The following XDH variants were observed in gnomAD, a reference collection of about 807,000 sequenced individuals.
The protein encoded by XDH is xanthine dehydrogenase.
Under a neutral mutation model 156.1 loss-of-function variants are expected in XDH, and 138 were observed. The ratio of observed to expected loss-of-function variants is 0.88; its 90% CI spans 0.77 to 1.02. The LOEUF (loss-of-function observed/expected upper bound fraction) is 1.02, where lower values mean the gene tolerates loss of function less well. XDH is among the 50% of genes least tolerant of loss of function. XDH has a pLI of 0.00. For missense variants in XDH, 1,849 were observed against 1,684.9 expected, an observed-to-expected ratio of 1.10 and a Z score of -1.71; for synonymous variants, 669 against 625.7, an observed-to-expected ratio of 1.07 and a Z score of -1.03.
At chr2:31,377,973 A>G (rs1572545413) in intron 13 of XDH, among the ~76,000 whole-genome samples, 1 of 151,096 alleles carries the variant, frequency 6.6e-6, no homozygotes, top group African/African-American at 2.4e-5. Flanking sequence ...CTGAGCCGTG[A>G]TCATGCCACC....
chr2:31,368,147 G>C, intron 19 of XDH, 90 bp from the exon 20 acceptor site: 1 of 1,169,088 alleles, frequency 8.6e-7, no homozygotes, highest in Non-Finnish European at 1.3e-6. Context: ...TCTCTGAATT[G>C]TTGACTCTCT....
intron 24 of XDH, among the ~76,000 whole-genome samples, chr2:31,361,513 T>G (rs1184447664): frequency 6.6e-6 from 1 of 152,186 alleles, no homozygotes; most frequent in Admixed American, 6.6e-5. Context: ...TCCAATAGCT[T>G]ATAAATGTCT....
chr2:31,399,385 G>A (rs1481819002), intron 4 of XDH, among the ~76,000 whole-genome samples: 2 of 152,140 alleles, frequency 1.3e-5, no homozygotes, highest in Non-Finnish European at 2.9e-5. Flanking sequence ...GAGCAGAGGA[G>A]GAGCAAGTGT....
intron 2 of XDH, among the ~76,000 whole-genome samples, chr2:31,404,957 C>G (rs1447392643): frequency 6.6e-6 from 1 of 152,132 alleles, no homozygotes; most frequent in Non-Finnish European, 1.5e-5. Context: ...CACTAGACAC[C>G]CCCGCTAGGA....
chr2:31,338,705 T>C (rs1332918362), intron 34 of XDH, among the ~76,000 whole-genome samples: 3 of 146,234 alleles, frequency 2.1e-5, no homozygotes, highest in Non-Finnish European at 4.5e-5. Context: ...TCCAGGCATC[T>C]GACCAAGTCT....
Position 31,381,559 on chromosome 2 carries a change from C to T in XDH, c.1132+74G>A, listed in dbSNP as rs1278951042. ...CACTGAACTTTGAGCTCTGTTTCTC[C>T]AGAAAATGACCTATCTGGTGAGACT... On this transcript the variant is annotated intron_variant, in intron 12 of 35. Transcript: ENST00000379416. 23 of 1,479,656 alleles carry T rather than the reference C, an allele frequency of 1.6e-5. 1 individual carries two copies. Among genetic ancestry groups the T allele is most frequent in the Non-Finnish European group, 2.1e-5 (22 of 1,066,608 alleles). The allele number at this position is 1,479,656 out of a possible 1,614,324, so 91.7% of individuals were successfully genotyped here. A position where few individuals can be genotyped will look rare whatever the true frequency, so the allele number is the denominator to read the frequency against.
chr2:31,402,934 CAG>C, intron 3 of XDH, 112 bp downstream of exon 3: 1 of 1,131,624 alleles, frequency 8.8e-7, no homozygotes, highest in South Asian at 1.3e-5. Context: ...TCCATAAAAA[CAG>C]GGGCTCACAC....
chr2:31,376,312 A>G lies in XDH; in HGVS notation c.1427+741T>C, dbSNP rs45541835. On this transcript the variant is annotated intron_variant, in intron 14 of 35. Transcript: ENST00000379416. Reference sequence around the variant, plus strand: ...CATAGAATCAACAGCAACAGTAGTAATAATAGTAGTAACAGAAGCAATGCC... The same window carrying G: ...CATAGAATCAACAGCAACAGTAGTAGTAATAGTAGTAACAGAAGCAATGCC... Among the ~76,000 whole-genome samples the G allele has an allele frequency of 2.3e-4, 35 of 150,368 alleles. 1 individual carries two copies. In the East Asian group the frequency reaches 6.6e-3, roughly 28 times the overall value.
intron 31 of XDH, among the ~76,000 whole-genome samples, chr2:31,343,839 T>C (rs1320754339): frequency 6.6e-6 from 1 of 151,334 alleles, no homozygotes; most frequent in Non-Finnish European, 1.5e-5. Flanking sequence ...TTCATATATA[T>C]ATTCATATAC....
intron 5 of XDH, 123 bp from the exon 6 acceptor site, chr2:31,397,852 G>T: frequency 9.1e-7 from 1 of 1,095,996 alleles, no homozygotes; most frequent in Non-Finnish European, 1.4e-6. Flanking sequence ...TGTTACCTCT[G>T]TCTGGAAGGC....
chr2:31,346,744 G>A (rs766703443), intron 30 of XDH, 25 bp downstream of exon 30: 18 of 1,613,778 alleles, frequency 1.1e-5, no homozygotes, highest in Middle Eastern at 1.6e-4. Flanking sequence ...CTTTGCAAAC[G>A]TGACTTGGAT....
intron 13 of XDH, among the ~76,000 whole-genome samples, chr2:31,378,853 TA>T (rs3216622): frequency 8.1e-5 from 12 of 148,508 alleles, no homozygotes; most frequent in Middle Eastern, 3.5e-3. Context: ...CACTCATAAT[TA>T]AAAAAAAAAA....
At position 31,398,625 on chromosome 2, in the gene XDH, C is replaced by T. The variant is rs533862128; in HGVS notation, c.381G>A (p.Leu127=). 1 of 1,614,146 alleles carries T rather than the reference C, an allele frequency of 6.2e-7. No individual in the cohort carries two copies. Among genetic ancestry groups the T allele is most frequent in the Non-Finnish European group, 8.5e-7 (1 of 1,179,998 alleles). The part of the protein sequence containing the change: ...TPGIVMSMYT[L]LRNQPEPTME... ...TGGTGGGCTCGGGCTGATTCCGGAG[C>T]AGTGTGTACATACTCATGACGATGC... The change falls in exon 5 of 36, where the codon CTG becomes CTA. Residue 127 remains leucine (L), a synonymous_variant. Coordinates refer to ENST00000379416, the MANE Select transcript of XDH (RefSeq NM_000379.4).
Position 31,335,726 on chromosome 2 carries a change from T to C in XDH, c.*232A>G, listed in dbSNP as rs937821743. On this transcript the variant is annotated 3_prime_UTR_variant, in exon 36 of 36. Transcript: ENST00000379416. The stretch of plus-strand genomic sequence containing the variant: ...TAAAACAGACAGAAAATGATCCTAA[T>C]TGCATATTCACCATTTAGGCATAAC... The C allele has an allele frequency of 2.6e-5, 16 of 614,560 alleles. No individual in the cohort carries two copies. In the South Asian group the frequency reaches 3.1e-4, roughly 12 times the overall value. 38.1% of individuals were successfully genotyped at this position (614,560 alleles called of 1,614,324 possible). A position where few individuals can be genotyped will look rare whatever the true frequency, so the allele number is the denominator to read the frequency against.
chr2:31,384,989 G>A (rs1572552752), intron 9 of XDH, among the ~76,000 whole-genome samples: 1 of 152,160 alleles, frequency 6.6e-6, no homozygotes, highest in African/African-American at 2.4e-5. Context: ...TCTAATTGTG[G>A]AACTTAGGTA....
chr2:31,376,048 A>G (rs1037268389), intron 14 of XDH, among the ~76,000 whole-genome samples: 2 of 152,174 alleles, frequency 1.3e-5, no homozygotes, highest in African/African-American at 4.8e-5. Context: ...TCCTAGGATA[A>G]TGTTAGTGAA....
chr2:31,407,386 C>T (rs1231554147), intron 1 of XDH, among the ~76,000 whole-genome samples: 1 of 152,120 alleles, frequency 6.6e-6, no homozygotes, highest in East Asian at 1.9e-4. Flanking sequence ...TAATGCAAGC[C>T]ATTCATGAGA....
At chr2:31,357,369 A>G (rs1468618573) in intron 24 of XDH, among the ~76,000 whole-genome samples, 1 of 152,210 alleles carries the variant, frequency 6.6e-6, no homozygotes, top group Non-Finnish European at 1.5e-5. Context: ...AACAAAGTGA[A>G]GCCACAAATT....
In XDH at chr2:31,403,110, C is replaced by T. The variant is rs150847028; in HGVS notation, c.135G>A (p.Glu45=). 81 of 1,614,066 alleles carry T rather than the reference C, an allele frequency of 5.0e-5. 1 individual carries two copies. In the African/African-American group the frequency reaches 8.7e-4, roughly 17 times the overall value. The change falls in exon 3 of 36, where the codon GAG becomes GAA. Residue 45 remains glutamate (E), a synonymous_variant. Coordinates refer to ENST00000379416, the MANE Select transcript of XDH (RefSeq NM_000379.4). ...TCACTGTGCAAGCCCCGCAGCCCCC[C>T]TCTCCACAGCCGAGCTTGGTTCCAC... is the stretch of plus-strand genomic sequence containing the variant. ...GLSGTKLGCG[E]GGCGACTVML... is the part of the protein sequence containing the mutation.
Sources: gnomAD v4.1 joint callset for allele counts (sites outside exome capture counted in the v4.1 genomes callset) on GRCh38, gnomAD v4.1.1 for gene constraint, MANE v1.5 for transcripts, NCBI Gene and HGNC (gene_info 2026-07-23, HGNC 2026-07-21) for gene names.